The following ARRB1 variants were observed in gnomAD, a reference collection of about 807,000 sequenced individuals.
ARRB1 encodes the protein beta-arrestin-1.
ARRB1 carries 21 observed loss-of-function variants against 56.8 expected under a neutral mutation model. That is an observed-to-expected ratio of 0.37 (90% CI 0.26 to 0.53). The LOEUF (loss-of-function observed/expected upper bound fraction) is 0.53, where lower values mean the gene tolerates loss of function less well. Among genes scored for constraint, ARRB1 ranks in the 20% least tolerant of loss-of-function variants. ARRB1 has a pLI of 0.88. For missense variants in ARRB1, 424 were observed against 553.7 expected (o/e 0.77, Z 2.35); for synonymous variants, 210 against 218.6 (o/e 0.96, Z 0.35).
intron 1 of ARRB1, among the ~76,000 whole-genome samples, chr11:75,300,335 A>G (rs940180038): frequency 6.6e-6 from 1 of 152,170 alleles, no homozygotes; most frequent in African/African-American, 2.4e-5. Context: ...CAACAACTCT[A>G]TAATAAGTGT....
intron 1 of ARRB1, among the ~76,000 whole-genome samples, chr11:75,320,213 CACAGCCCA>C (rs777648724): frequency 6.6e-6 from 1 of 152,196 alleles, no homozygotes; most frequent in Non-Finnish European, 1.5e-5. Flanking sequence ...CCTGGGAAGC[CACAGCCCA>C]CAGAAGCCCC....
chr11:75,267,200 G>A lies in ARRB1; in HGVS notation c.1145+452C>T, dbSNP rs575713733. Among the ~76,000 whole-genome samples, 5 of 152,294 alleles carry A rather than the reference G, an allele frequency of 3.3e-5. No individual in the cohort carries two copies. The East Asian group carries it at 5.8e-4, about 18-fold the overall frequency. On this transcript the variant is annotated intron_variant, in intron 15 of 15. Coordinates refer to ENST00000420843, the MANE Select transcript of ARRB1 (RefSeq NM_004041.5). ...GGTCCTCCCCCTCTGGCCACTGTCCGGTGACTCGATGGCCTTTGACTGCAG... is the reference window on the plus strand; with the variant it reads ...GGTCCTCCCCCTCTGGCCACTGTCCAGTGACTCGATGGCCTTTGACTGCAG...
In ARRB1 at chr11:75,283,317, C is replaced by T; in HGVS notation, c.324G>A (p.Leu108=). Residue 108 remains leucine (L), a synonymous_variant, in exon 5 of 16, where the codon CTG becomes CTA. Coordinates refer to ENST00000420843, the MANE Select transcript of ARRB1 (RefSeq NM_004041.5). The stretch of plus-strand genomic sequence containing the variant: ...AGGTGAAAGGGTAAGCGTGCTCGCC[C>T]AGCTTCTTGATGAGGCGTTCCTGCA... ...TRLQERLIKK[L]GEHAYPFTFE... The T allele has an allele frequency of 6.2e-7, 1 of 1,612,942 alleles. No individual in the cohort carries two copies. Among genetic ancestry groups the T allele is most frequent in the African/African-American group, 1.3e-5 (1 of 75,034 alleles).
intron 1 of ARRB1, chr11:75,312,026 T>TG: frequency 7.8e-7 from 1 of 1,288,390 alleles, no homozygotes; most frequent in Non-Finnish European, 1.0e-6. Context: ...TCGGAGGCCC[T>TG]GCCCAGCCTC....
chr11:75,274,384 C>T lies in ARRB1; in HGVS notation c.777-173G>A. ...CAGCCCAGCTCGGGCAAGGAGACCA[C>T]TGCCACTCAAAAGAGGCACATCTAC... On this transcript the variant is annotated intron_variant, in intron 10 of 15. Coordinates refer to ENST00000420843, the MANE Select transcript of ARRB1 (RefSeq NM_004041.5). The T allele has an allele frequency of 4.2e-6, 3 of 719,056 alleles. No homozygotes were observed. The South Asian group carries it at 5.6e-5, about 13-fold the overall frequency. The allele number at this position is 719,056 out of a possible 1,614,324, so 44.5% of individuals were successfully genotyped here.
At position 75,278,725 on chromosome 11, in the gene ARRB1, T is replaced by C; in HGVS notation, c.502A>G (p.Ile168Val). ...TCTGGGGCATACTGAACCTTCCGGA[T>C]GACCAGACGCACAGAATTCCTAATG... Reference protein sequence around the residue: ...IHKRNSVRLVIRKVQYAPERP... With the variant: ...IHKRNSVRLVVRKVQYAPERP... The change falls in exon 8 of 16, where the codon ATC (isoleucine) becomes GTC (valine). Residue 168 changes from isoleucine to valine, a missense_variant. Physicochemically the swap from Ile to Val is conservative, Grantham distance 29 (BLOSUM62 3). Around this residue, in one of 3 missense-constraint regions of ARRB1, gnomAD observed 301 missense variants for 387.9 expected, o/e 0.78. Transcript: ENST00000420843. 6.2e-7 allele frequency: 1 copy of C among 1,611,426 alleles called. No individual in the cohort carries two copies. The highest frequency in any genetic ancestry group is 1.1e-5 in the South Asian group (1 of 90,978).
intron 1 of ARRB1, among the ~76,000 whole-genome samples, chr11:75,339,126 C>A (rs950714983): frequency 1.3e-5 from 2 of 152,256 alleles, no homozygotes; most frequent in African/African-American, 4.8e-5. Context: ...TGGCTGCCAG[C>A]CCCAAAGCCT....
rs1321365470 is a variant in ARRB1 at position 75,261,118 on chromosome 11, G to A, written c.*5045C>T. ...CATCCCCACTGAGCACCAGGTCCCT[G>A]TCCAAATCAAACCTTGGCCAGAGCT... On this transcript the variant is annotated 3_prime_UTR_variant, in exon 16 of 16. Coordinates refer to ENST00000420843, the MANE Select transcript of ARRB1 (RefSeq NM_004041.5). The A allele has an allele frequency of 6.6e-6, 1 of 152,230 alleles. No individual in the cohort carries two copies. Among genetic ancestry groups the A allele is most frequent in the African/African-American group, 2.4e-5 (1 of 41,292 alleles). 9.4% of individuals were successfully genotyped at this position (152,230 alleles called of 1,614,324 possible).
intron 1 of ARRB1, among the ~76,000 whole-genome samples, chr11:75,300,413 A>G (rs1946872943): frequency 6.6e-6 from 1 of 152,184 alleles, no homozygotes; most frequent in Non-Finnish European, 1.5e-5. Context: ...GCCTAGGGTC[A>G]CACAGCAAGT....
intron 1 of ARRB1, among the ~76,000 whole-genome samples, chr11:75,308,061 T>TCACAG (rs1460796002): frequency 6.6e-6 from 1 of 152,250 alleles, no homozygotes; most frequent in Non-Finnish European, 1.5e-5. Flanking sequence ...TAGCAGGCCC[T>TCACAG]TCCTTAGTCC....
intron 1 of ARRB1, among the ~76,000 whole-genome samples, chr11:75,346,078 G>A (rs1947762106): frequency 6.6e-6 from 1 of 152,102 alleles, no homozygotes; most frequent in African/African-American, 2.4e-5. Context: ...GGCCAAGGCT[G>A]TCCCTTCCTC....
At chr11:75,319,719 C>T (rs1482609776) in intron 1 of ARRB1, among the ~76,000 whole-genome samples, 3 of 152,146 alleles carry the variant, frequency 2.0e-5, no homozygotes, top group African/African-American at 7.2e-5. Flanking sequence ...CCAGGATGTA[C>T]GCTGGTTTCA....
intron 8 of ARRB1, among the ~76,000 whole-genome samples, chr11:75,278,085 C>T (rs1265595568): frequency 1.3e-5 from 2 of 152,268 alleles, no homozygotes; most frequent in Non-Finnish European, 2.9e-5. Flanking sequence ...TTGCATCTTG[C>T]CCCAAGGCAC....
rs188893425 is a variant in ARRB1 at position 75,280,342 on chromosome 11, G to A, written c.482+733C>T. 1.2e-4 allele frequency among the ~76,000 whole-genome samples: 19 copies of A among 152,356 alleles called. No individual in the cohort carries two copies. In the East Asian group the frequency reaches 1.9e-3, roughly 15 times the overall value. On this transcript the variant is annotated intron_variant, in intron 7 of 15. Transcript: ENST00000420843. ...CAATACACCCTATAGCCACCAGGTGGCAAACTCAGCCCACGCCCTAAAAAG... is the reference window on the plus strand; with the variant it reads ...CAATACACCCTATAGCCACCAGGTGACAAACTCAGCCCACGCCCTAAAAAG...
chr11:75,292,160 G>T (rs894095634), intron 1 of ARRB1, among the ~76,000 whole-genome samples: 5 of 151,370 alleles, frequency 3.3e-5, no homozygotes, highest in Non-Finnish European at 5.9e-5. Context: ...ATTTTTTTGA[G>T]ATGGAGTCTC....
chr11:75,324,472 T>C (rs1947398206), intron 1 of ARRB1, among the ~76,000 whole-genome samples: 1 of 152,056 alleles, frequency 6.6e-6, no homozygotes, highest in South Asian at 2.1e-4. Flanking sequence ...GTCCTCAGGG[T>C]TCAGAACAGG....
intron 1 of ARRB1, among the ~76,000 whole-genome samples, chr11:75,297,840 G>A (rs1946792840): frequency 9.0e-6 from 1 of 110,592 alleles, no homozygotes; most frequent in East Asian, 2.7e-4. Context: ...ACTCCAGCCT[G>A]GGTAAGAGAG....
chr11:75,284,765 T>C (rs1457062076), intron 3 of ARRB1, among the ~76,000 whole-genome samples: 1 of 152,064 alleles, frequency 6.6e-6, no homozygotes, highest in Non-Finnish European at 1.5e-5. Flanking sequence ...TAGCTGGGCA[T>C]GGTGGCGGGC....
At chr11:75,278,468 G>C in intron 8 of ARRB1, 141 bp downstream of exon 8, 1 of 1,258,244 alleles carries the variant, frequency 7.9e-7, no homozygotes, top group Non-Finnish European at 1.1e-6. Flanking sequence ...AGAGGTCTCA[G>C]ATTCCCTGAC....
Sources: gnomAD v4.1 joint callset for allele counts (sites outside exome capture counted in the v4.1 genomes callset) on GRCh38, gnomAD v4.1.1 for gene constraint, gnomAD v4.1.1 regional missense constraint, MANE v1.5 for transcripts, NCBI Gene and HGNC (gene_info 2026-07-23, HGNC 2026-07-21) for gene names.